AGRN: variants seen among roughly 807,000 people sequenced by gnomAD.
AGRN encodes the protein agrin.
A neutral mutation model predicts 211.0 loss-of-function variants in AGRN; 106 were observed. The ratio of observed to expected loss-of-function variants is 0.50; its 90% CI spans 0.43 to 0.59. The LOEUF (loss-of-function observed/expected upper bound fraction) is 0.59. AGRN is among the 20% of genes least tolerant of loss of function. The pLI is 0.00. For synonymous variants in AGRN, 1,525 were observed against 1,332.5 expected, an observed-to-expected ratio of 1.14 and a Z score of -3.15; for missense variants, 3,040 against 2,982.6, an observed-to-expected ratio of 1.02 and a Z score of -0.45.
intron 33 of AGRN, 179 bp from the exon 34 acceptor site, chr1:1,053,574 A>C: frequency 6.6e-7 from 1 of 1,517,482 alleles, no homozygotes; most frequent in Middle Eastern, 1.7e-4. Context: ...TCTCTCTGCC[A>C]GGCTGCCCCT....
At position 1,031,011 on chromosome 1, in the gene AGRN, ATG is replaced by A. The variant is rs138206193; in HGVS notation, c.464-4257_464-4256del. Among the ~76,000 whole-genome samples the A allele has an allele frequency of 0.42, 26,822 of 64,314 alleles. 8,202 individuals carry two copies. Among genetic ancestry groups the A allele is most frequent in the East Asian group, 0.74 (1,120 of 1,520 alleles). The allele number at this position is 64,314 out of a possible 152,430, so 42.2% of individuals were successfully genotyped here. On this transcript the variant is annotated intron_variant, in intron 2 of 35. Coordinates refer to ENST00000379370, the MANE Select transcript of AGRN (RefSeq NM_198576.4). The surrounding 1 kb of genome is among the most constrained non-coding windows in gnomAD (Gnocchi z 4.8). ...GCATGGTGCTGAGTGTGAGATCAGC[ATG>A]TGTGTGTGCAGTGCATGGTGCTGTG... is the stretch of plus-strand genomic sequence containing the variant.
At chr1:1,025,190 A>G (rs1644492916) in intron 2 of AGRN, among the ~76,000 whole-genome samples, 1 of 152,034 alleles carries the variant, frequency 6.6e-6, no homozygotes, top group South Asian at 2.1e-4. Context: ...GCACAGGGAC[A>G]GGGCAGGGGG....
At chr1:1,047,954 C>T in intron 22 of AGRN, 58 bp from the exon 23 acceptor site, 1 of 1,579,414 alleles carries the variant, frequency 6.3e-7, no homozygotes, top group Non-Finnish European at 8.6e-7. Context: ...ATGCCCCTGC[C>T]CCTCACCCCT....
At chr1:1,050,957 G>C in intron 30 of AGRN, 120 bp downstream of exon 30, 1 of 1,548,960 alleles carries the variant, frequency 6.5e-7, no homozygotes, top group Non-Finnish European at 8.7e-7. Flanking sequence ...TTGGCCGCCT[G>C]CCCTGTCCTC....
rs552044488 is a variant in AGRN at position 1,042,169 on chromosome 1, G to T, written c.1384+7G>T. The T allele has an allele frequency of 4.0e-5, 63 of 1,587,674 alleles. No homozygotes were observed. The highest frequency in any genetic ancestry group is 5.2e-5 in the Non-Finnish European group (61 of 1,170,822). On this transcript the variant is annotated splice_region_variant and intron_variant, in intron 7 of 35. Transcript: ENST00000379370. ...AAGCACCAGGGCCCGTGTGGTGAGC[G>T]CCCCGGGGTGGAGGCCAGGCGGGGT...
At chr1:1,039,735 C>T (rs982321634) in intron 3 of AGRN, among the ~76,000 whole-genome samples, 2 of 152,068 alleles carry the variant, frequency 1.3e-5, no homozygotes, top group Non-Finnish European at 2.9e-5. Flanking sequence ...AGTTCCTGCA[C>T]CTCTCCAAGA....
chr1:1,045,732 G>A lies in AGRN; in HGVS notation c.2537-1G>A. The A allele has an allele frequency of 6.2e-7, 1 of 1,613,364 alleles. No individual in the cohort carries two copies. The highest frequency in any genetic ancestry group is 8.5e-7 in the Non-Finnish European group (1 of 1,179,960). ...ACGTTCCTCCCCGATTTTCCCCAAA[G>A]CCTGCAGCTGTGATCCCCAAGGCGC... is the stretch of plus-strand genomic sequence containing the variant. On this transcript the variant is annotated splice_acceptor_variant, in intron 14 of 35. Transcript: ENST00000379370. LOFTEE classifies it high-confidence loss of function.
In AGRN at chr1:1,020,181, C is replaced by T; in HGVS notation, c.9C>T (p.Gly3=). 3 of 1,330,450 alleles carry T rather than the reference C, an allele frequency of 2.3e-6. No individual in the cohort carries two copies. The highest frequency in any genetic ancestry group is 3.6e-5 in the Admixed American group (1 of 27,676). The allele number at this position is 1,330,450 out of a possible 1,614,324, so 82.4% of individuals were successfully genotyped here. The stretch of plus-strand genomic sequence containing the variant: ...CGCCTCTCGCCTGCGCCATGGCCGG[C>T]CGGTCCCACCCGGGCCCGCTGCGGC... MA[G]RSHPGPLRPL... Residue 3 remains glycine (G), a synonymous_variant, in exon 1 of 36, where the codon GGC becomes GGT. Transcript: ENST00000379370.
chr1:1,055,160 C>A lies in AGRN; in HGVS notation c.*179C>A. ...GCCGAGGGATGGACAGGCGAGGTGG[C>A]AGCGTGGAGGGCTCGGCGTGGATGG... On this transcript the variant is annotated 3_prime_UTR_variant, in exon 36 of 36. Transcript: ENST00000379370. 9.8e-7 allele frequency: 1 copy of A among 1,024,878 alleles called. No individual in the cohort carries two copies. 63.5% of individuals were successfully genotyped at this position (1,024,878 alleles called of 1,614,324 possible).
At position 1,042,129 on chromosome 1, in the gene AGRN, C is replaced by T. The variant is rs974149667; in HGVS notation, c.1351C>T (p.Arg451Cys). The T allele has an allele frequency of 3.1e-6, 5 of 1,599,858 alleles. No homozygotes were observed. Among genetic ancestry groups the T allele is most frequent in the Admixed American group, 1.7e-5 (1 of 59,862 alleles). ...WRQQAECRQQ[R>C]AIPSKHQGPC... ...GCAGCAGGCTGAGTGCCGGCAGCAG[C>T]GTGCCATCCCCAGCAAGCACCAGGG... is the stretch of plus-strand genomic sequence containing the variant. Residue 451 changes from arginine to cysteine, a missense_variant, in exon 7 of 36, where the codon CGT becomes TGT. Around this residue, in one of 3 missense-constraint regions of AGRN, gnomAD observed 1,498 missense variants for 1,457.8 expected, o/e 1.03. Transcript: ENST00000379370.
rs1206907335 is a variant in AGRN at position 1,048,973 on chromosome 1, G to C, written c.4212G>C (p.Glu1404Asp). 1 of 1,576,944 alleles carries C rather than the reference G, an allele frequency of 6.3e-7. No individual in the cohort carries two copies. Among genetic ancestry groups the C allele is most frequent in the Non-Finnish European group, 8.6e-7 (1 of 1,163,138 alleles). Reference sequence around the variant, plus strand: ...TGGCACTGGAATTCCGGGCGCTGGAGCCTCAGGGGCTGCTGCTGTACAATG... The same window carrying C: ...TGGCACTGGAATTCCGGGCGCTGGACCCTCAGGGGCTGCTGCTGTACAATG... ...LRLALEFRAL[E>D]PQGLLLYNGN... The change falls in exon 24 of 36, where the codon GAG becomes GAC. Residue 1404 changes from glutamate (E) to aspartate (D), a missense_variant. By Grantham distance (45) the Glu-to-Asp change is conservative. This residue lies in a region of AGRN where 1,537 missense variants were observed against 1,505.0 expected (regional missense o/e 1.02). Transcript: ENST00000379370. This position sits in a 1 kb window ranked among gnomAD's most constrained non-coding sequence, Gnocchi z 5.9.
rs142709521 is a variant in AGRN at position 1,042,759 on chromosome 1, G to C, written c.1385-480G>C. Among the ~76,000 whole-genome samples, 1,238 of 152,116 alleles carry C rather than the reference G, an allele frequency of 8.1e-3. 10 individuals carry two copies. Among genetic ancestry groups the C allele is most frequent in the Non-Finnish European group, 0.013 (864 of 68,006 alleles). ...AGCCCGCAGCCCGAGGTCTGCCCCT[G>C]GTGCGGCAGGGGGGGTGGCTTGCTG... On this transcript the variant is annotated intron_variant, in intron 7 of 35. Coordinates refer to ENST00000379370, the MANE Select transcript of AGRN (RefSeq NM_198576.4).
intron 3 of AGRN, among the ~76,000 whole-genome samples, chr1:1,038,294 T>C (rs549093341): frequency 2.6e-5 from 4 of 152,168 alleles, no homozygotes; most frequent in African/African-American, 9.7e-5. Context: ...GGGGAGCCAG[T>C]GCTCAGCCTG....
chr1:1,051,209 C>T (rs772033246), intron 30 of AGRN, 44 bp from the exon 31 acceptor site: 27 of 1,560,606 alleles, frequency 1.7e-5, no homozygotes, highest in Non-Finnish European at 1.9e-5. Context: ...TGGGTCTGCA[C>T]CGTGGGTGGG....
chr1:1,021,722 C>G (rs542860322), intron 1 of AGRN, among the ~76,000 whole-genome samples: 1 of 152,252 alleles, frequency 6.6e-6, no homozygotes, highest in Non-Finnish European at 1.5e-5. Context: ...GCCCTGAGTG[C>G]ACAGACTGTA....
At position 1,047,582 on chromosome 1, in the gene AGRN, C is replaced by G. The variant is rs1361747412; in HGVS notation, c.3526C>G (p.Leu1176Val). Residue 1176 changes from leucine (L) to valine (V), a missense_variant, in exon 21 of 36, where the codon CTC (leucine) becomes GTC (valine). Around this residue, in one of 3 missense-constraint regions of AGRN, gnomAD observed 1,537 missense variants for 1,505.0 expected, o/e 1.02. Transcript: ENST00000379370. ...ARSIESTLDD[L>V]FRNSDVKKDF... ...CTACTCCCTGCCACAGCTGGACGAC[C>G]TCTTCCGGAATTCAGACGTCAAGAA... is the stretch of plus-strand genomic sequence containing the variant. 1.2e-6 allele frequency: 2 copies of G among 1,612,838 alleles called. No homozygotes were observed. The highest frequency in any genetic ancestry group is 1.7e-5 in the Admixed American group (1 of 60,006).
intron 11 of AGRN, 35 bp downstream of exon 11, chr1:1,044,292 G>T: frequency 6.2e-7 from 1 of 1,612,470 alleles, no homozygotes; most frequent in African/African-American, 1.3e-5. Flanking sequence ...GGCGGGCGGC[G>T]GGGACGGGGC....
intron 19 of AGRN, 137 bp from the exon 20 acceptor site, chr1:1,047,190 T>G: frequency 7.0e-7 from 1 of 1,429,816 alleles, no homozygotes; most frequent in Non-Finnish European, 9.3e-7. Context: ...CACCCTGGGG[T>G]CCCCACTAAC....
chr1:1,022,184 C>T lies in AGRN; in HGVS notation c.202-17C>T, dbSNP rs1036873472. 2.8e-5 allele frequency: 45 copies of T among 1,612,756 alleles called. No individual in the cohort carries two copies. Among genetic ancestry groups the T allele is most frequent in the Non-Finnish European group, 3.4e-5 (40 of 1,179,982 alleles). ...CCAGGAGAGGACTAATGACACCTAC[C>T]GCCATGTCCACCCCAGGTTCGGGTC... On this transcript the variant is annotated splice_polypyrimidine_tract_variant and intron_variant, in intron 1 of 35. Transcript: ENST00000379370.
Sources: allele counts gnomAD v4.1 joint callset (sites outside exome capture counted in the v4.1 genomes callset), GRCh38; gene constraint gnomAD v4.1.1; regional missense constraint gnomAD v4.1.1; non-coding constraint Gnocchi (gnomAD v3.1); transcripts MANE v1.5; gene names NCBI Gene and HGNC (gene_info 2026-07-23, HGNC 2026-07-21).